The following ADARB2 variants were observed in gnomAD, a reference collection of about 807,000 sequenced individuals.
ADARB2 encodes inactive double-stranded RNA-specific editase B2.
Under a neutral mutation model 62.2 loss-of-function variants are expected in ADARB2, and 25 were observed. That is an observed-to-expected ratio of 0.40 (90% CI 0.29 to 0.56). ADARB2 has a LOEUF of 0.56. Among genes scored for constraint, ADARB2 ranks in the 20% least tolerant of loss-of-function variants. The pLI is 0.43. For missense variants in ADARB2, 1,071 were observed against 1,077.4 expected (o/e 0.99, Z 0.08); for synonymous variants, 572 against 500.8 (o/e 1.14, Z -1.90).
intron 1 of ADARB2, among the ~76,000 whole-genome samples, chr10:1,643,991 C>A (rs564516907): frequency 6.6e-6 from 1 of 152,134 alleles, no homozygotes; most frequent in South Asian, 2.1e-4. Context: ...CCGAATCGCA[C>A]GCAGCCCACA....
intron 8 of ADARB2, among the ~76,000 whole-genome samples, chr10:1,190,290 T>C (rs7074411): frequency 0.98 from 149,818 of 152,128 alleles, 73,822 homozygotes; most frequent in Middle Eastern, 1. Context: ...CAGGCCGCCC[T>C]GTGAGGCCAA....
At chr10:1,380,847 A>G (rs899886832) in intron 1 of ADARB2, among the ~76,000 whole-genome samples, 31 of 152,376 alleles carry the variant, frequency 2.0e-4, no homozygotes, top group African/African-American at 7.5e-4. Flanking sequence ...AGGGAGTCCA[A>G]TAATGTTACA....
At chr10:1,528,136 T>C (rs190373541) in intron 1 of ADARB2, among the ~76,000 whole-genome samples, 4 of 152,334 alleles carry the variant, frequency 2.6e-5, no homozygotes, top group East Asian at 1.9e-4. Context: ...TCCGCGGCTG[T>C]GGGCTACGTT....
chr10:1,638,412 G>C (rs1260468391), intron 1 of ADARB2, among the ~76,000 whole-genome samples: 1 of 152,052 alleles, frequency 6.6e-6, no homozygotes, highest in Non-Finnish European at 1.5e-5. Context: ...ATTTATAAAA[G>C]CCATAATGCA....
In ADARB2 at chr10:1,363,728, G is replaced by A. The variant is rs757357559; in HGVS notation, c.377C>T (p.Pro126Leu). Residue 126 changes from proline to leucine, a missense_variant, in exon 3 of 10, where the codon CCC (proline) becomes CTC (leucine). Transcript: ENST00000381312. ...VWKKLSWSVA[P>L]KNALVQLHEL... ...GTGCAGCTGCACCAGCGCGTTCTTGGGCGCCACCGACCACGACAGCTTCTT... is the reference window on the plus strand; with the variant it reads ...GTGCAGCTGCACCAGCGCGTTCTTGAGCGCCACCGACCACGACAGCTTCTT... The A allele has an allele frequency of 2.5e-6, 4 of 1,610,070 alleles. No homozygotes were observed. In the Admixed American group the frequency reaches 6.7e-5, roughly 27 times the overall value.
chr10:1,619,600 T>A (rs1833684405), intron 1 of ADARB2, among the ~76,000 whole-genome samples: 1 of 152,130 alleles, frequency 6.6e-6, no homozygotes, highest in Non-Finnish European at 1.5e-5. Context: ...TACAGGGGTA[T>A]GCCACCATGC....
At chr10:1,545,259 A>G (rs543040979) in intron 1 of ADARB2, among the ~76,000 whole-genome samples, 2 of 152,290 alleles carry the variant, frequency 1.3e-5, no homozygotes, top group East Asian at 3.9e-4. Context: ...AGTGGGTGCA[A>G]TTCACACCAG....
chr10:1,205,930 CCCG>C (rs1405695318), intron 7 of ADARB2, among the ~76,000 whole-genome samples: 2 of 151,354 alleles, frequency 1.3e-5, no homozygotes, highest in African/African-American at 4.9e-5. Context: ...CACGGGGCAG[CCCG>C]CTGGGGTCAG....
At chr10:1,481,641 GAGGTC>G (rs1376290923) in intron 1 of ADARB2, among the ~76,000 whole-genome samples, 4 of 2,984 alleles carry the variant, frequency 1.3e-3, no homozygotes, top group African/African-American at 1.4e-3. Flanking sequence ...TGCGGATCAC[GAGGTC>G]AGGAGTTCAA....
At chr10:1,246,877 T>C (rs1386254100) in intron 4 of ADARB2, among the ~76,000 whole-genome samples, 2 of 152,100 alleles carry the variant, frequency 1.3e-5, no homozygotes, top group South Asian at 2.1e-4. Flanking sequence ...AAGAAAGTCA[T>C]TGGTAGCTTG....
At chr10:1,366,526 G>T (rs1295065660) in intron 2 of ADARB2, among the ~76,000 whole-genome samples, 1 of 152,162 alleles carries the variant, frequency 6.6e-6, no homozygotes, top group Non-Finnish European at 1.5e-5. Context: ...GCTTCCCATT[G>T]CCCCAGTCAG....
chr10:1,327,934 G>A (rs1831889956), intron 3 of ADARB2, among the ~76,000 whole-genome samples: 2 of 151,814 alleles, frequency 1.3e-5, no homozygotes, highest in Non-Finnish European at 2.9e-5. Flanking sequence ...TCACAGCACA[G>A]CACCTCCTCA....
intron 8 of ADARB2, among the ~76,000 whole-genome samples, chr10:1,193,086 C>T (rs1293774705): frequency 6.6e-6 from 1 of 152,208 alleles, no homozygotes; most frequent in Non-Finnish European, 1.5e-5. Context: ...CAGGCATCTG[C>T]AGGGTGTGGA....
chr10:1,317,755 G>T lies in ADARB2; in HGVS notation c.1077+45273C>A, dbSNP rs993877612. On this transcript the variant is annotated intron_variant, in intron 3 of 9. Transcript: ENST00000381312. ...GGGGCACAGGCAGGGGTAGGCCTGG[G>T]GGGGGGTGGGTCAGTTTGTGTGGCT... Among the ~76,000 whole-genome samples, 58 of 148,740 alleles carry T rather than the reference G, an allele frequency of 3.9e-4. No homozygotes were observed. In the East Asian group the frequency reaches 0.01, roughly 27 times the overall value.
At position 1,282,661 on chromosome 10, in the gene ADARB2, T is replaced by G. The variant is rs149831763; in HGVS notation, c.1078-11592A>C. On this transcript the variant is annotated intron_variant, in intron 3 of 9. Coordinates refer to ENST00000381312, the MANE Select transcript of ADARB2 (RefSeq NM_018702.4). ...AATCAGACTTTGCAATAATGTGATT[T>G]TCTTCCCCACCTGGCACTTGGTTTA... Among the ~76,000 whole-genome samples, 412 of 152,344 alleles carry G rather than the reference T, an allele frequency of 2.7e-3. 3 individuals are homozygous for G. The highest frequency in any genetic ancestry group is 9.4e-3 in the African/African-American group (391 of 41,582).
At chr10:1,349,414 T>C (rs549259176) in intron 3 of ADARB2, among the ~76,000 whole-genome samples, 1 of 152,168 alleles carries the variant, frequency 6.6e-6, no homozygotes, top group Non-Finnish European at 1.5e-5. Flanking sequence ...CACACGAACG[T>C]GCATGAAATT....
intron 1 of ADARB2, among the ~76,000 whole-genome samples, chr10:1,571,068 A>G (rs1832927470): frequency 6.6e-6 from 1 of 152,204 alleles, no homozygotes; most frequent in African/African-American, 2.4e-5. Context: ...CAATAAATAA[A>G]TATCGAATGA....
Position 1,271,080 on chromosome 10 carries a change from C to A in ADARB2, c.1078-11G>T. 6.2e-7 allele frequency: 1 copy of A among 1,611,086 alleles called. No homozygotes were observed. Among genetic ancestry groups the A allele is most frequent in the Non-Finnish European group, 8.5e-7 (1 of 1,177,836 alleles). Reference sequence around the variant, plus strand: ...GGAGTCTGCGAATTCCTGAAAGACACAAGCACAGGCCTCCACGTTGGGCTG... The same window carrying A: ...GGAGTCTGCGAATTCCTGAAAGACAAAAGCACAGGCCTCCACGTTGGGCTG... On this transcript the variant is annotated splice_polypyrimidine_tract_variant and intron_variant, in intron 3 of 9. Transcript: ENST00000381312.
chr10:1,545,208 G>A lies in ADARB2; in HGVS notation c.101-166048C>T, dbSNP rs190496585. The stretch of plus-strand genomic sequence containing the variant: ...CAGCCATGGCTCCATGCTTCCTAAC[G>A]AGTATTGATCCCACTAGGGAATATT... On this transcript the variant is annotated intron_variant, in intron 1 of 9. Coordinates refer to ENST00000381312, the MANE Select transcript of ADARB2 (RefSeq NM_018702.4). Among the ~76,000 whole-genome samples the A allele has an allele frequency of 4.6e-5, 7 of 152,264 alleles. 1 individual carries two copies. The East Asian group carries it at 9.6e-4, about 21-fold the overall frequency.
Sources: gnomAD v4.1 joint callset for allele counts (sites outside exome capture counted in the v4.1 genomes callset) on GRCh38, gnomAD v4.1.1 for gene constraint, MANE v1.5 for transcripts, NCBI Gene and HGNC (gene_info 2026-07-23, HGNC 2026-07-21) for gene names.